BUD23: variants seen among roughly 807,000 people sequenced by gnomAD.
The protein encoded by BUD23 is BUD23 rRNA methyltransferase and ribosome maturation factor.
In BUD23, 34 loss-of-function variants were observed where a neutral mutation model predicts 47.0. The ratio of observed to expected loss-of-function variants is 0.72; its 90% CI spans 0.55 to 0.96. The LOEUF (loss-of-function observed/expected upper bound fraction) is 0.96, where lower values mean the gene tolerates loss of function less well. Ranked by LOEUF, BUD23 falls within the 40% of genes least tolerant of loss-of-function variation. The pLI, the probability that BUD23 is intolerant of heterozygous loss-of-function variation, is 0.00. For missense variants in BUD23, 343 were observed against 361.2 expected, an observed-to-expected ratio of 0.95 and a Z score of 0.41; for synonymous variants, 124 against 132.0, an observed-to-expected ratio of 0.94 and a Z score of 0.41.
chr7:73,694,201 T>C, intron 10 of BUD23, 151 bp downstream of exon 10: 3 of 804,140 alleles, frequency 3.7e-6, no homozygotes, highest in Non-Finnish European at 5.6e-6. Flanking sequence ...CCATTTGGAC[T>C]GTGCCTGTTT....
chr7:73,692,233 T>C (rs1332154977), intron 6 of BUD23, among the ~76,000 whole-genome samples: 3 of 152,224 alleles, frequency 2.0e-5, no homozygotes, highest in Non-Finnish European at 4.4e-5. Flanking sequence ...GGAAGGCTCC[T>C]CCCTTATATG....
Position 73,683,766 on chromosome 7 carries a change from G to A in BUD23, c.49-1G>A. ...TACATGCCATTTTCTCTTTTTCGCA[G>A]TTTTATGACGAGACAGAAGCCCGGA... On this transcript the variant is annotated splice_acceptor_variant, in intron 1 of 11. Coordinates refer to ENST00000265758, the MANE Select transcript of BUD23 (RefSeq NM_017528.5). LOFTEE classifies it high-confidence loss of function. 1.9e-6 allele frequency: 3 copies of A among 1,614,174 alleles called. No homozygotes were observed. Among genetic ancestry groups the A allele is most frequent in the Non-Finnish European group, 2.5e-6 (3 of 1,180,038 alleles).
intron 2 of BUD23, 100 bp downstream of exon 2, chr7:73,683,904 G>A: frequency 6.2e-7 from 1 of 1,608,826 alleles, no homozygotes; most frequent in South Asian, 1.1e-5. Flanking sequence ...ATTTGGGGGT[G>A]CGGGAAGGGA....
chr7:73,684,076 A>G (rs1797841394), intron 2 of BUD23: 1 of 1,206,904 alleles, frequency 8.3e-7, no homozygotes, highest in Non-Finnish European at 1.1e-6. Flanking sequence ...ACATGTGGTA[A>G]AAGAGGCGCT....
intron 5 of BUD23, 37 bp from the exon 6 acceptor site, chr7:73,690,879 A>C: frequency 1.9e-6 from 3 of 1,557,876 alleles, no homozygotes; most frequent in Non-Finnish European, 2.7e-6. Context: ...AGCAACGTGG[A>C]TTGCTCCGTT....
chr7:73,692,598 C>A lies in BUD23; in HGVS notation c.462C>A (p.Val154=). ...CFFASLFSVL[V]RGSRAVLQLY... ...AGTGATGTTCCTGTTTCTTTCAGGT[C>A]CGGGGATCCCGAGCTGTCCTGCAGC... is the stretch of plus-strand genomic sequence containing the variant. The change falls in exon 7 of 12, where the codon GTC becomes GTA. Residue 154 remains valine, a splice_region_variant and synonymous_variant. Transcript: ENST00000265758. 6.2e-7 allele frequency: 1 copy of A among 1,613,614 alleles called. No homozygotes were observed. The highest frequency in any genetic ancestry group is 8.5e-7 in the Non-Finnish European group (1 of 1,179,612).
rs1554612064 is a variant in BUD23, at chr7:73,683,649, G to T, written c.24G>T (p.Pro8=). Reference sequence around the variant, plus strand: ...GAATGGCGTCCCGCGGCCGGCGTCCGGAGCATGGCGGACCCCCAGAGCTGG... The same window carrying T: ...GAATGGCGTCCCGCGGCCGGCGTCCTGAGCATGGCGGACCCCCAGAGCTGG... MASRGRR[P]EHGGPPELFY... is the part of the protein sequence containing the mutation. The change falls in exon 1 of 12, where the codon CCG becomes CCT. Residue 8 remains proline, a synonymous_variant. Coordinates refer to ENST00000265758, the MANE Select transcript of BUD23 (RefSeq NM_017528.5). 3.1e-6 allele frequency: 5 copies of T among 1,612,510 alleles called. No individual in the cohort carries two copies. In the East Asian group the frequency reaches 1.1e-4, roughly 36 times the overall value.
At position 73,683,654 on chromosome 7, in the gene BUD23, A is replaced by G. The variant is rs1554612080; in HGVS notation, c.29A>G (p.His10Arg). 2 of 1,613,002 alleles carry G rather than the reference A, an allele frequency of 1.2e-6. No homozygotes were observed. The highest frequency in any genetic ancestry group is 1.7e-5 in the Admixed American group (1 of 59,926). The stretch of plus-strand genomic sequence containing the variant: ...GCGTCCCGCGGCCGGCGTCCGGAGC[A>G]TGGCGGACCCCCAGAGCTGGTAAGT... MASRGRRPEHGGPPELFYDE... is the reference protein window; with the variant it reads MASRGRRPERGGPPELFYDE... Residue 10 changes from histidine (H) to arginine (R), a missense_variant, in exon 1 of 12, where the codon CAT becomes CGT. Physicochemically the swap from His to Arg is conservative, Grantham distance 29 (BLOSUM62 0). Coordinates refer to ENST00000265758, the MANE Select transcript of BUD23 (RefSeq NM_017528.5).
intron 6 of BUD23, 90 bp from the exon 7 acceptor site, chr7:73,692,506 A>G (rs2116695404): frequency 2.3e-6 from 3 of 1,289,396 alleles, no homozygotes; most frequent in Middle Eastern, 2.5e-4. Flanking sequence ...GAAATTCAGG[A>G]AATACTTGGT....
At chr7:73,696,230 CT>C (rs1798396594) in intron 10 of BUD23, 1 of 152,254 alleles carries the variant, frequency 6.6e-6, no homozygotes, top group Non-Finnish European at 1.5e-5. Context: ...TTTATGCTGC[CT>C]GACCCCTTGG....
chr7:73,685,748 T>G (rs532537243), intron 2 of BUD23, among the ~76,000 whole-genome samples: 23 of 152,242 alleles, frequency 1.5e-4, no homozygotes, highest in South Asian at 8.3e-4. Context: ...AGTGATATTT[T>G]GAACATATTG....
At chr7:73,695,358 A>G (rs1798362620) in intron 10 of BUD23, 1 of 151,022 alleles carries the variant, frequency 6.6e-6, no homozygotes, top group Non-Finnish European at 1.5e-5. Flanking sequence ...CCCAGGTTCC[A>G]GCGATTCTCT....
chr7:73,689,406 G>A (rs778058225), intron 5 of BUD23, among the ~76,000 whole-genome samples: 1 of 151,868 alleles, frequency 6.6e-6, no homozygotes, highest in Non-Finnish European at 1.5e-5. Flanking sequence ...GTGCTGTGGA[G>A]TACAGGGAAA....
chr7:73,690,426 TG>T (rs1221845585), intron 5 of BUD23, among the ~76,000 whole-genome samples: 1 of 152,022 alleles, frequency 6.6e-6, no homozygotes, highest in Non-Finnish European at 1.5e-5. Context: ...CCTGTTTCCT[TG>T]GATTGGAGGA....
chr7:73,692,740 C>A, intron 7 of BUD23, 94 bp downstream of exon 7: 3 of 1,308,568 alleles, frequency 2.3e-6, no homozygotes, highest in Non-Finnish European at 2.2e-6. Context: ...TGCAGATTGG[C>A]GGGAAAAGGA....
At chr7:73,688,015 C>A (rs1554613383) in intron 5 of BUD23, among the ~76,000 whole-genome samples, 1 of 151,812 alleles carries the variant, frequency 6.6e-6, no homozygotes, top group African/African-American at 2.4e-5. Flanking sequence ...CCTGCCTCAG[C>A]CTCCCAAGTA....
At chr7:73,689,615 G>C (rs1798111538) in intron 5 of BUD23, among the ~76,000 whole-genome samples, 1 of 152,120 alleles carries the variant, frequency 6.6e-6, no homozygotes, top group African/African-American at 2.4e-5. Flanking sequence ...GGGTTTCTGA[G>C]TGAGGGAACA....
chr7:73,686,732 G>A lies in BUD23; in HGVS notation c.182+1G>A. ...AGCCCTGTTACCTGCTGGATATTGG[G>A]TGAGATTCTGGGGCCTGGTTCAGAT... On this transcript the variant is annotated splice_donor_variant, in intron 3 of 11. Transcript: ENST00000265758. LOFTEE classifies it high-confidence loss of function. The A allele has an allele frequency of 6.2e-7, 1 of 1,614,170 alleles. No individual in the cohort carries two copies.
intron 10 of BUD23, chr7:73,694,467 A>C (rs782713420): frequency 1.0e-4 from 17 of 163,952 alleles, no homozygotes; most frequent in Non-Finnish European, 1.8e-4. Context: ...CTCCTTTTCT[A>C]GAAAAGTTCC....
Sources: gnomAD v4.1 joint callset for allele counts (sites outside exome capture counted in the v4.1 genomes callset) on GRCh38, gnomAD v4.1.1 for gene constraint, MANE v1.5 for transcripts, NCBI Gene and HGNC (gene_info 2026-07-23, HGNC 2026-07-21) for gene names.